DNAH14: variants seen among roughly 807,000 people sequenced by gnomAD.
DNAH14 encodes the protein dynein axonemal heavy chain 14.
A neutral mutation model predicts 520.9 loss-of-function variants in DNAH14; 478 were observed. The ratio of observed to expected loss-of-function variants is 0.92; its 90% CI spans 0.85 to 0.99. DNAH14 has a LOEUF of 0.99. DNAH14 is among the 50% of genes least tolerant of loss of function. The pLI, the probability that DNAH14 is intolerant of heterozygous loss-of-function variation, is 0.00. For missense variants in DNAH14, 4,831 were observed against 5,234.5 expected (o/e 0.92, Z 2.38); for synonymous variants, 1,581 against 1,757.2 (o/e 0.90, Z 2.51).
intron 13 of DNAH14, 95 bp downstream of exon 13, chr1:225,043,209 C>A: frequency 1.8e-6 from 2 of 1,110,730 alleles, no homozygotes; most frequent in Admixed American, 3.5e-5. Context: ...GTGGGAGGAT[C>A]ACTTGATGCC....
At chr1:225,167,408 T>A (rs896266904) in intron 35 of DNAH14, among the ~76,000 whole-genome samples, 1 of 152,214 alleles carries the variant, frequency 6.6e-6, no homozygotes, top group African/African-American at 2.4e-5. Flanking sequence ...GGTTAAAATA[T>A]TAAGTATCTT....
chr1:225,064,748 T>G (rs1318665749), intron 17 of DNAH14, among the ~76,000 whole-genome samples: 3 of 151,964 alleles, frequency 2.0e-5, no homozygotes, highest in Admixed American at 6.6e-5. Context: ...CTAGACAGAT[T>G]GTTTTCTGAA....
chr1:225,284,448 T>A (rs907382074), intron 54 of DNAH14, among the ~76,000 whole-genome samples: 1 of 152,210 alleles, frequency 6.6e-6, no homozygotes, highest in East Asian at 1.9e-4. Flanking sequence ...ACTGAAGAAT[T>A]AGAAAATCTA....
intron 55 of DNAH14, among the ~76,000 whole-genome samples, chr1:225,293,875 G>T (rs748923723): frequency 6.6e-6 from 1 of 152,004 alleles, no homozygotes; most frequent in Non-Finnish European, 1.5e-5. Context: ...ATAAGACCAT[G>T]TCATCTGGAA....
chr1:225,205,883 G>A (rs2087489191), intron 39 of DNAH14, 88 bp from the exon 40 acceptor site: 4 of 1,114,282 alleles, frequency 3.6e-6, no homozygotes, highest in African/African-American at 1.6e-5. Context: ...TAGAAAATAT[G>A]TCCTAAGTAA....
rs188549260 is a variant in DNAH14 at position 225,055,643 on chromosome 1, G to A, written c.2424+3848G>A. On this transcript the variant is annotated intron_variant, in intron 17 of 85. Transcript: ENST00000682510. ...GTTGGTGTGCTGCACCCATTAACTC[G>A]TCATTTAATATTAGGTATATCTCCT... is the stretch of plus-strand genomic sequence containing the variant. 9.7e-4 allele frequency among the ~76,000 whole-genome samples: 147 copies of A among 151,574 alleles called. 1 individual carries two copies. The highest frequency in any genetic ancestry group is 3.3e-3 in the African/African-American group (138 of 41,222).
intron 18 of DNAH14, among the ~76,000 whole-genome samples, chr1:225,080,053 C>G (rs1463354755): frequency 1.3e-5 from 2 of 152,078 alleles, no homozygotes; most frequent in Non-Finnish European, 2.9e-5. Context: ...AATTACATTT[C>G]TATTTTCACT....
intron 44 of DNAH14, 86 bp downstream of exon 44, chr1:225,252,503 AT>A (rs2092592929): frequency 1.4e-6 from 1 of 731,194 alleles, no homozygotes; most frequent in African/African-American, 1.8e-5. Context: ...TACTCTATTT[AT>A]AAAAGTAATT....
Position 225,335,331 on chromosome 1 carries a change from GTGTGTA to G in DNAH14, c.10080+1826_10080+1831del, listed in dbSNP as rs2094927038. Among the ~76,000 whole-genome samples the G allele has an allele frequency of 3.9e-5, 3 of 76,164 alleles. 1 individual carries two copies. The allele number at this position is 76,164 out of a possible 152,430, so 50.0% of individuals were successfully genotyped here. On this transcript the variant is annotated intron_variant, in intron 66 of 85. Coordinates refer to ENST00000682510, the MANE Select transcript of DNAH14 (RefSeq NM_001367479.1). ...CACGTGTGTATATGCACATATACAC[GTGTGTA>G]CATGTGTGTGTATATGCATATACAC...
At chr1:225,150,815 T>C in intron 31 of DNAH14, among the ~76,000 whole-genome samples, 1 of 152,156 alleles carries the variant, frequency 6.6e-6, no homozygotes, top group South Asian at 2.1e-4. Flanking sequence ...CTGCAACCTC[T>C]GCCTCCCGGG....
chr1:224,934,711 A>G (rs575577233), intron 1 of DNAH14, among the ~76,000 whole-genome samples: 6 of 151,840 alleles, frequency 4.0e-5, no homozygotes, highest in Non-Finnish European at 7.4e-5. Context: ...ACAATGTGAA[A>G]AGATCCCCAC....
intron 41 of DNAH14, among the ~76,000 whole-genome samples, chr1:225,216,496 C>A (rs6659498): frequency 0.31 from 47,875 of 152,044 alleles, 8,727 homozygotes; most frequent in East Asian, 0.61. Context: ...GTGTTTTCCA[C>A]CTTGGTTCCA....
chr1:225,353,762 TTGAC>T, intron 72 of DNAH14, 37 bp from the exon 73 acceptor site: 1 of 1,029,826 alleles, frequency 9.7e-7, no homozygotes, highest in Middle Eastern at 2.1e-4. Context: ...TAAAAAGTAT[TTGAC>T]TGTTAATGCC....
At chr1:225,348,190 T>TA (rs2095314815) in intron 71 of DNAH14, among the ~76,000 whole-genome samples, 1 of 150,720 alleles carries the variant, frequency 6.6e-6, no homozygotes, top group Admixed American at 6.6e-5. Flanking sequence ...GCAAAGAAAA[T>TA]AAAAAATTAA....
At chr1:225,213,833 T>C (rs143540669) in intron 41 of DNAH14, among the ~76,000 whole-genome samples, 1 of 152,316 alleles carries the variant, frequency 6.6e-6, no homozygotes, top group Non-Finnish European at 1.5e-5. Flanking sequence ...TTTCTAGATA[T>C]ACACTCATGT....
In DNAH14 at chr1:225,264,111, A is replaced by T. The variant is rs988757092; in HGVS notation, c.7158-86A>T. The stretch of plus-strand genomic sequence containing the variant: ...TGTAAGAGTTAGAAGTAAAATTCAC[A>T]ATATGCTGTTACTTTTTTGTTGTTG... On this transcript the variant is annotated intron_variant, in intron 46 of 85. Coordinates refer to ENST00000682510, the MANE Select transcript of DNAH14 (RefSeq NM_001367479.1). The T allele has an allele frequency of 2.8e-5, 32 of 1,151,822 alleles. No homozygotes were observed. The South Asian group carries it at 4.5e-4, about 16-fold the overall frequency. 71.4% of individuals were successfully genotyped at this position (1,151,822 alleles called of 1,614,324 possible). A position where few individuals can be genotyped will look rare whatever the true frequency, so the allele number is the denominator to read the frequency against.
At chr1:225,154,810 A>G (rs2080869156) in intron 34 of DNAH14, among the ~76,000 whole-genome samples, 1 of 151,890 alleles carries the variant, frequency 6.6e-6, no homozygotes, top group South Asian at 2.1e-4. Flanking sequence ...AGAAGCCACA[A>G]AAAAAAAGAT....
Position 225,363,567 on chromosome 1 carries a change from C to CCT in DNAH14, c.11988-1224_11988-1223dup, listed in dbSNP as rs549838904. Among the ~76,000 whole-genome samples the CCT allele has an allele frequency of 2.0e-5, 3 of 152,082 alleles. No homozygotes were observed. In the South Asian group the frequency reaches 6.2e-4, roughly 32 times the overall value. ...TAATCTATAATAGTTCCTCAGTCTG[C>CCT]CTTTGTCTTTCGTAACTTTGATATT... On this transcript the variant is annotated intron_variant, in intron 75 of 85. Coordinates refer to ENST00000682510, the MANE Select transcript of DNAH14 (RefSeq NM_001367479.1).
intron 54 of DNAH14, among the ~76,000 whole-genome samples, chr1:225,289,169 T>C (rs2093811352): frequency 6.6e-6 from 1 of 152,154 alleles, no homozygotes; most frequent in Admixed American, 6.6e-5. Flanking sequence ...GAACTTATTA[T>C]GCTAAGTAAA....
Sources: allele counts gnomAD v4.1 joint callset (sites outside exome capture counted in the v4.1 genomes callset), GRCh38; gene constraint gnomAD v4.1.1; transcripts MANE v1.5; gene names NCBI Gene and HGNC (gene_info 2026-07-23, HGNC 2026-07-21).